The following NOS1AP variants were observed in gnomAD, a reference collection of about 807,000 sequenced individuals.
The protein encoded by NOS1AP is carboxyl-terminal PDZ ligand of neuronal nitric oxide synthase protein.
NOS1AP carries 21 observed loss-of-function variants against 56.2 expected under a neutral mutation model. That is an observed-to-expected ratio of 0.37 (90% confidence interval 0.26 to 0.54). The LOEUF (loss-of-function observed/expected upper bound fraction) is 0.54, where lower values mean the gene tolerates loss of function less well. Ranked by LOEUF, NOS1AP falls within the 20% of genes least tolerant of loss-of-function variation. The probability of loss-of-function intolerance (pLI) is 0.84; values close to 1 mark genes in which losing one functional copy is unlikely to be tolerated. For synonymous variants in NOS1AP, 270 were observed against 274.6 expected, an observed-to-expected ratio of 0.98 and a Z score of 0.17; for missense variants, 522 against 657.8, an observed-to-expected ratio of 0.79 and a Z score of 2.26.
rs764756989 is a variant in NOS1AP, at chr1:162,355,245, C to T, written c.654C>T (p.Ile218=). 30 of 1,613,942 alleles carry T rather than the reference C, an allele frequency of 1.9e-5. No individual in the cohort carries two copies. The South Asian group carries it at 2.2e-4, about 12-fold the overall frequency. Residue 218 remains isoleucine, a synonymous_variant, in exon 7 of 10, where the codon ATC becomes ATT. Coordinates refer to ENST00000361897, the MANE Select transcript of NOS1AP (RefSeq NM_014697.3). ...CGGCCACTGCAGAGGAGACTGACAT[C>T]GATGCGGTGGAGGTCCCACTTCCAG... ...ASTATAEETD[I]DAVEVPLPGN... is the part of the protein sequence containing the mutation.
At chr1:162,323,849 A>G (rs1656494261) in intron 4 of NOS1AP, among the ~76,000 whole-genome samples, 1 of 152,220 alleles carries the variant, frequency 6.6e-6, no homozygotes, top group African/African-American at 2.4e-5. Flanking sequence ...CAGGTCTTCT[A>G]TTCCACAAAA....
At chr1:162,174,404 T>G (rs577684630) in intron 2 of NOS1AP, among the ~76,000 whole-genome samples, 2 of 107,852 alleles carry the variant, frequency 1.9e-5, no homozygotes, top group African/African-American at 7.4e-5. Flanking sequence ...CATTGGGTAC[T>G]GTTGTGGGGT....
At chr1:162,107,787 T>C (rs186731446) in intron 1 of NOS1AP, among the ~76,000 whole-genome samples, 2 of 152,316 alleles carry the variant, frequency 1.3e-5, no homozygotes, top group East Asian at 3.9e-4. Context: ...GATTTGATTG[T>C]ATATCCCTAT....
At position 162,356,991 on chromosome 1, in the gene NOS1AP, C is replaced by T. The variant is rs751799259; in HGVS notation, c.794C>T (p.Ala265Val). The change falls in exon 8 of 10, where the codon GCC becomes GTC. Residue 265 changes from alanine to valine, a missense_variant. Around this residue, in one of 4 missense-constraint regions of NOS1AP, gnomAD observed 178 missense variants for 165.0 expected, o/e 1.08. Transcript: ENST00000361897. ...CACCCCCAGGAGCCCATGCTGACAG[C>T]CTCACCCAGGATGCTGCTCCCTTCT... Reference protein sequence around the residue: ...VSHPQEPMLTASPRMLLPSSS... With the variant: ...VSHPQEPMLTVSPRMLLPSSS... 3.1e-6 allele frequency: 5 copies of T among 1,614,116 alleles called. No homozygotes were observed. In the Admixed American group the frequency reaches 8.3e-5, roughly 27 times the overall value.
intron 3 of NOS1AP, among the ~76,000 whole-genome samples, chr1:162,289,609 G>C (rs1655221012): frequency 1.3e-5 from 2 of 150,336 alleles, no homozygotes; most frequent in South Asian, 4.2e-4. Flanking sequence ...CAAGTAGCTG[G>C]GACTACAGGC....
At chr1:162,092,075 G>T (rs1428855627) in intron 1 of NOS1AP, among the ~76,000 whole-genome samples, 1 of 152,174 alleles carries the variant, frequency 6.6e-6, no homozygotes, top group African/African-American at 2.4e-5. Context: ...CAAGGCTGTG[G>T]ATCCAACAAA....
chr1:162,168,107 A>G (rs919363462), intron 2 of NOS1AP, among the ~76,000 whole-genome samples: 3 of 152,162 alleles, frequency 2.0e-5, no homozygotes, highest in African/African-American at 7.2e-5. Flanking sequence ...CTGAATCCTC[A>G]TAATTACTTT....
chr1:162,292,278 C>T (rs1655304302), intron 3 of NOS1AP, among the ~76,000 whole-genome samples: 1 of 152,178 alleles, frequency 6.6e-6, no homozygotes, highest in Non-Finnish European at 1.5e-5. Context: ...CTTTAGGGGG[C>T]AGGGACCATG....
chr1:162,202,539 G>T (rs978696123), intron 2 of NOS1AP, among the ~76,000 whole-genome samples: 2 of 152,002 alleles, frequency 1.3e-5, no homozygotes, highest in South Asian at 2.1e-4. Context: ...AAAATATAGT[G>T]TGATTTTGTC....
chr1:162,234,391 G>A lies in NOS1AP; in HGVS notation c.178-52953G>A, dbSNP rs549839673. 1.9e-3 allele frequency among the ~76,000 whole-genome samples: 291 copies of A among 152,276 alleles called. 3 individuals are homozygous for A. Among genetic ancestry groups the A allele is most frequent in the African/African-American group, 6.8e-3 (283 of 41,556 alleles). ...TCCATAGATAGTGGGAAAATGAGGA[G>A]TTTTAGATCAGGGAATGGCAGAGCT... On this transcript the variant is annotated intron_variant, in intron 2 of 9. Transcript: ENST00000361897.
intron 6 of NOS1AP, among the ~76,000 whole-genome samples, chr1:162,354,584 T>C (rs1273929300): frequency 6.6e-6 from 1 of 152,240 alleles, no homozygotes; most frequent in South Asian, 2.1e-4. Context: ...TGCCACTTCC[T>C]GCAGGCGTCT....
At chr1:162,100,556 G>A (rs1692361551) in intron 1 of NOS1AP, among the ~76,000 whole-genome samples, 1 of 152,056 alleles carries the variant, frequency 6.6e-6, no homozygotes, top group Non-Finnish European at 1.5e-5. Context: ...TGAGTAGGTT[G>A]CAAAAATTTT....
At chr1:162,359,465 ATTTCAGCTGGC>A (rs565160675) in intron 8 of NOS1AP, among the ~76,000 whole-genome samples, 221 of 152,248 alleles carry the variant, frequency 1.5e-3, no homozygotes, top group African/African-American at 5.1e-3. Flanking sequence ...GATATTGTAC[ATTTCAGCTGGC>A]TTTCAGCTCT....
intron 3 of NOS1AP, among the ~76,000 whole-genome samples, chr1:162,298,059 A>G (rs1655529460): frequency 6.6e-6 from 1 of 152,246 alleles, no homozygotes; most frequent in Non-Finnish European, 1.5e-5. Flanking sequence ...ATAACAAGGC[A>G]GAAAACTGTC....
chr1:162,314,117 T>C (rs1656151230), intron 4 of NOS1AP, among the ~76,000 whole-genome samples: 1 of 152,224 alleles, frequency 6.6e-6, no homozygotes, highest in African/African-American at 2.4e-5. Flanking sequence ...TAAGCTGATT[T>C]ATCCTTTTGG....
At chr1:162,250,110 G>T (rs543099556) in intron 2 of NOS1AP, among the ~76,000 whole-genome samples, 1 of 152,184 alleles carries the variant, frequency 6.6e-6, no homozygotes, top group Non-Finnish European at 1.5e-5. Flanking sequence ...TAGCCAAGGA[G>T]TGCTCTCCCA....
intron 2 of NOS1AP, among the ~76,000 whole-genome samples, chr1:162,156,359 A>G (rs1327617698): frequency 6.6e-6 from 1 of 152,194 alleles, no homozygotes; most frequent in Non-Finnish European, 1.5e-5. Flanking sequence ...AGGGGCAGGC[A>G]TGTGGCCTGA....
chr1:162,075,577 T>C (rs759768039), intron 1 of NOS1AP, among the ~76,000 whole-genome samples: 1 of 152,242 alleles, frequency 6.6e-6, no homozygotes, highest in East Asian at 1.9e-4. Flanking sequence ...CATTCCACTA[T>C]ACACTGGGTG....
At position 162,357,079 on chromosome 1, in the gene NOS1AP, G is replaced by T; in HGVS notation, c.882G>T (p.Gln294His). 6.2e-7 allele frequency: 1 copy of T among 1,612,322 alleles called. No homozygotes were observed. ...CGCTGTCCACTCACCACCAGATGCA[G>T]CTCCTCCAGCAGCTCCTCCAGCAGC... is the stretch of plus-strand genomic sequence containing the variant. ...ETPLSTHHQM[Q>H]LLQQLLQQQQ... Residue 294 changes from glutamine to histidine, a missense_variant, in exon 8 of 10, where the codon CAG becomes CAT. Gln to His is a conservative substitution (Grantham distance 24). Transcript: ENST00000361897.
Sources: allele counts gnomAD v4.1 joint callset (sites outside exome capture counted in the v4.1 genomes callset), GRCh38; gene constraint gnomAD v4.1.1; regional missense constraint gnomAD v4.1.1; transcripts MANE v1.5; gene names NCBI Gene and HGNC (gene_info 2026-07-23, HGNC 2026-07-21).